SMS: variants seen among roughly 807,000 people sequenced by gnomAD.
SMS encodes spermidine aminopropyltransferase.
A neutral mutation model predicts 33.0 loss-of-function variants in SMS; 3 were observed. The ratio of observed to expected loss-of-function variants is 0.09; its 90% CI spans 0.04 to 0.23. The LOEUF is 0.23. Among genes scored for constraint, SMS ranks in the 10% least tolerant of loss-of-function variants. The probability of loss-of-function intolerance (pLI) is 1.00; values close to 1 mark genes in which losing one functional copy is unlikely to be tolerated. For synonymous variants in SMS, 103 were observed against 112.2 expected, an observed-to-expected ratio of 0.92 and a Z score of 0.52; for missense variants, 117 against 288.6, an observed-to-expected ratio of 0.41 and a Z score of 4.31.
intron 9 of SMS, among the ~76,000 whole-genome samples, chrX:21,987,334 T>G (rs761663797): frequency 9.0e-6 from 1 of 111,683 alleles, no homozygotes; most frequent in African/African-American, 3.3e-5. Context: ...ATGGAAATTT[T>G]TTCTTTTCAT....
intron 1 of SMS, among the ~76,000 whole-genome samples, chrX:21,954,400 C>T (rs1327499722): frequency 1.8e-5 from 2 of 112,263 alleles, no homozygotes; most frequent in African/African-American, 6.5e-5. Flanking sequence ...CATCTAGGTG[C>T]AATGATTTTG....
intron 9 of SMS, among the ~76,000 whole-genome samples, chrX:21,991,500 C>T (rs1270664341): frequency 8.9e-6 from 1 of 112,052 alleles, no homozygotes; most frequent in African/African-American, 3.2e-5. Flanking sequence ...TCTTAAGAAA[C>T]GGAATCAGCC....
At chrX:21,949,266 A>T (rs1289051264) in intron 1 of SMS, among the ~76,000 whole-genome samples, 4 of 112,356 alleles carry the variant, frequency 3.6e-5, no homozygotes, top group African/African-American at 1.3e-4. Context: ...CTAAAATCCC[A>T]CACACTGTGT....
chrX:21,949,502 G>A (rs1054279030), intron 1 of SMS, among the ~76,000 whole-genome samples: 5 of 111,965 alleles, frequency 4.5e-5, no homozygotes, highest in African/African-American at 1.6e-4. Context: ...TTGAAGGTTG[G>A]TCTACTTTAT....
chrX:21,943,569 G>A (rs896310606), intron 1 of SMS, among the ~76,000 whole-genome samples: 2 of 110,581 alleles, frequency 1.8e-5, no homozygotes, highest in Non-Finnish European at 3.8e-5. Flanking sequence ...TTCCCAGTCT[G>A]TTCTTAAAGA....
intron 1 of SMS, among the ~76,000 whole-genome samples, chrX:21,944,451 T>G (rs1228340457): frequency 1.0e-5 from 1 of 99,470 alleles, no homozygotes. Flanking sequence ...ATTCCAGCAC[T>G]CTGGGAGGCG....
chrX:21,962,429 T>C (rs777046394), intron 1 of SMS, among the ~76,000 whole-genome samples: 9 of 112,105 alleles, frequency 8.0e-5, no homozygotes, highest in Admixed American at 2.8e-4. Flanking sequence ...CTGTTGAGCA[T>C]TTTCTATAAC....
At chrX:21,967,587 A>G (rs1466729875) in intron 2 of SMS, among the ~76,000 whole-genome samples, 1 of 111,884 alleles carries the variant, frequency 8.9e-6, no homozygotes, top group Non-Finnish European at 1.9e-5. Context: ...ACTGATGCCC[A>G]GAGTGGGCAT....
chrX:21,956,250 T>C (rs895120313), intron 1 of SMS, among the ~76,000 whole-genome samples: 1 of 111,524 alleles, frequency 9.0e-6, no homozygotes, highest in African/African-American at 3.3e-5. Context: ...CTGGTTGCTC[T>C]TCTCTGTGAA....
At chrX:21,979,967 TTAATAA>T (rs202177315) in intron 7 of SMS, among the ~76,000 whole-genome samples, 1,737 of 107,064 alleles carry the variant, frequency 0.016, 42 homozygotes, top group African/African-American at 0.055. Flanking sequence ...AAAAAAAACC[TTAATAA>T]TAATAATAAA....
At position 21,964,275 on chromosome X, in the gene SMS, T is replaced by C. The variant is rs953117381; in HGVS notation, c.50-2921T>C. Among the ~76,000 whole-genome samples, 3 of 111,434 alleles carry C rather than the reference T, an allele frequency of 2.7e-5. No individual in the cohort carries two copies. In the South Asian group the frequency reaches 1.1e-3, roughly 42 times the overall value. On this transcript the variant is annotated intron_variant, in intron 1 of 10. Coordinates refer to ENST00000404933, the MANE Select transcript of SMS (RefSeq NM_004595.5). Reference sequence around the variant, plus strand: ...CATTGGGCCACCGCTGCTCGGTGTTTATAGATGCTTGTGCTGCTGTGGGAG... The same window carrying C: ...CATTGGGCCACCGCTGCTCGGTGTTCATAGATGCTTGTGCTGCTGTGGGAG...
At chrX:21,950,433 CT>C (rs55704293) in intron 1 of SMS, among the ~76,000 whole-genome samples, 2,112 of 76,718 alleles carry the variant, frequency 0.028, 28 homozygotes, top group East Asian at 0.12. Flanking sequence ...TATGACAGGA[CT>C]TTTTTTTTTT....
intron 7 of SMS, among the ~76,000 whole-genome samples, chrX:21,982,123 G>C (rs921929584): frequency 9.1e-6 from 1 of 109,497 alleles, no homozygotes; most frequent in Admixed American, 9.8e-5. Flanking sequence ...CACGAGGTCA[G>C]GAGATCGAGA....
intron 7 of SMS, among the ~76,000 whole-genome samples, chrX:21,983,968 G>T (rs1925154600): frequency 8.9e-6 from 1 of 112,026 alleles, no homozygotes; most frequent in Non-Finnish European, 1.9e-5. Flanking sequence ...GTATGAAGTT[G>T]GCTTTCAGAT....
In SMS at chrX:21,984,396, A is replaced by G. The variant is rs144489522; in HGVS notation, c.843A>G (p.Pro281=). 136 of 1,161,688 alleles carry G rather than the reference A, an allele frequency of 1.2e-4. No individual in the cohort carries two copies. The African/African-American group carries it at 2.0e-3, about 17-fold the overall frequency. The change falls in exon 8 of 11, where the codon CCA becomes CCG. Residue 281 remains proline, a synonymous_variant. Coordinates refer to ENST00000404933, the MANE Select transcript of SMS (RefSeq NM_004595.5). Reference sequence around the variant, plus strand: ...TGATTAATGATTTGACAGCTGTTCCAATCTCCACGTCTCCAGAAGAAGGTA... The same window carrying G: ...TGATTAATGATTTGACAGCTGTTCCGATCTCCACGTCTCCAGAAGAAGGTA... ...DYVINDLTAV[P]ISTSPEEDST...
chrX:21,967,329 C>T lies in SMS; in HGVS notation c.170+13C>T. 1 of 1,207,419 alleles carries T rather than the reference C, an allele frequency of 8.3e-7. No homozygotes were observed. The highest frequency in any genetic ancestry group is 1.8e-5 in the South Asian group (1 of 56,893). On this transcript the variant is annotated intron_variant, in intron 2 of 10. Transcript: ENST00000404933. Reference sequence around the variant, plus strand: ...ACAAGAACGGCAGGTGAGCAGTCTCCAGTGCTGTTCTTCATACCTGGTCAC... The same window carrying T: ...ACAAGAACGGCAGGTGAGCAGTCTCTAGTGCTGTTCTTCATACCTGGTCAC...
At chrX:21,942,033 G>A (rs1431486920) in intron 1 of SMS, among the ~76,000 whole-genome samples, 1 of 108,451 alleles carries the variant, frequency 9.2e-6, no homozygotes, top group Non-Finnish European at 1.9e-5. Context: ...CGTGGGGGGT[G>A]GGAGTCGCGG....
intron 1 of SMS, among the ~76,000 whole-genome samples, chrX:21,956,164 A>G (rs1307368192): frequency 2.7e-5 from 3 of 112,728 alleles, no homozygotes; most frequent in African/African-American, 3.2e-5. Context: ...CCCTTAGTGC[A>G]TGTTTGCATG....
intron 1 of SMS, among the ~76,000 whole-genome samples, chrX:21,944,958 G>A (rs1424761289): frequency 8.9e-6 from 1 of 112,030 alleles, no homozygotes; most frequent in Non-Finnish European, 1.9e-5. Flanking sequence ...CAGCCTGGGC[G>A]ACAGAGAGAC....
Sources: gnomAD v4.1 joint callset for allele counts (sites outside exome capture counted in the v4.1 genomes callset) on GRCh38, gnomAD v4.1.1 for gene constraint, MANE v1.5 for transcripts, NCBI Gene and HGNC (gene_info 2026-07-23, HGNC 2026-07-21) for gene names.